Variants in ELF1 observed in about 807,000 individuals in gnomAD.
The protein encoded by ELF1 is E74 like ETS transcription factor 1.
Under a neutral mutation model 59.9 loss-of-function variants are expected in ELF1, and 24 were observed. The ratio of observed to expected loss-of-function variants is 0.40; its 90% CI spans 0.29 to 0.56. The LOEUF is 0.56. ELF1 is among the 20% of genes least tolerant of loss of function. The probability of loss-of-function intolerance (pLI) is 0.44; values close to 1 mark genes in which losing one functional copy is unlikely to be tolerated. For missense variants in ELF1, 627 were observed against 742.2 expected (o/e 0.84, Z 1.80); for synonymous variants, 248 against 266.2 (o/e 0.93, Z 0.67).
At chr13:40,987,320 G>A (rs538033395) in intron 1 of ELF1, among the ~76,000 whole-genome samples, 7 of 149,256 alleles carry the variant, frequency 4.7e-5, no homozygotes, top group South Asian at 2.1e-4. Context: ...CGTGGCTCAC[G>A]CCTGTATCCC....
chr13:41,043,651 C>T (rs1056472305), intron 1 of ELF1, among the ~76,000 whole-genome samples: 1 of 152,096 alleles, frequency 6.6e-6, no homozygotes, highest in African/African-American at 2.4e-5. Flanking sequence ...CTGTTCTGTT[C>T]CATTGGTCTA....
chr13:41,033,249 T>C (rs1464008572), intron 1 of ELF1, among the ~76,000 whole-genome samples: 2 of 152,194 alleles, frequency 1.3e-5, no homozygotes, highest in Admixed American at 6.5e-5. Flanking sequence ...CTAACTCTAC[T>C]ATTGACTAGT....
upstream of ELF1, among the ~76,000 whole-genome samples, chr13:41,020,013 C>T (rs1023339672): frequency 3.3e-5 from 5 of 152,204 alleles, no homozygotes; most frequent in African/African-American, 2.4e-5. Flanking sequence ...AGTATTGGTA[C>T]GATCATAGTT....
chr13:41,011,507 G>C (rs141070264), intron 1 of ELF1, among the ~76,000 whole-genome samples: 3 of 151,974 alleles, frequency 2.0e-5, no homozygotes, highest in Non-Finnish European at 2.9e-5. Context: ...ATAGTGGCAC[G>C]AACATGCCTC....
At chr13:41,048,421 C>T (rs981863401) in intron 1 of ELF1, among the ~76,000 whole-genome samples, 5 of 152,144 alleles carry the variant, frequency 3.3e-5, no homozygotes, top group Non-Finnish European at 7.3e-5. Context: ...TTGGAACTGC[C>T]TACAGTCTTT....
At chr13:41,056,488 A>G (rs1211661711) in intron 1 of ELF1, among the ~76,000 whole-genome samples, 1 of 152,210 alleles carries the variant, frequency 6.6e-6, no homozygotes, top group East Asian at 1.9e-4. Context: ...TACTGGGTAC[A>G]CACCTAGGAG....
intron 3 of ELF1, 184 bp from the exon 4 acceptor site, chr13:40,951,620 C>G: frequency 2.5e-6 from 1 of 398,930 alleles, no homozygotes; most frequent in Non-Finnish European, 4.3e-6. Context: ...TCCTGTAATC[C>G]CGCACTTTGG....
intron 1 of ELF1, among the ~76,000 whole-genome samples, chr13:41,057,290 A>G (rs554996905): frequency 2.0e-5 from 3 of 151,484 alleles, no homozygotes; most frequent in East Asian, 3.9e-4. Flanking sequence ...GCAAGTAGCT[A>G]GGACTACAGG....
intron 2 of ELF1, among the ~76,000 whole-genome samples, chr13:40,971,153 T>A (rs1240229701): frequency 1.3e-5 from 2 of 152,148 alleles, no homozygotes; most frequent in African/African-American, 2.4e-5. Flanking sequence ...ATAATGAAAG[T>A]CTCATTTCAA....
chr13:41,039,354 A>C (rs1489610035), intron 1 of ELF1, among the ~76,000 whole-genome samples: 1 of 151,766 alleles, frequency 6.6e-6, no homozygotes, highest in Non-Finnish European at 1.5e-5. Context: ...AAAAAAAAAA[A>C]AAACCTATTC....
chr13:40,945,524 T>C lies in ELF1; in HGVS notation c.530-1599A>G, dbSNP rs74046641. Among the ~76,000 whole-genome samples, 1,054 of 152,040 alleles carry C rather than the reference T, an allele frequency of 6.9e-3. 11 individuals carry two copies. The highest frequency in any genetic ancestry group is 0.024 in the African/African-American group (1,006 of 41,462). On this transcript the variant is annotated intron_variant, in intron 5 of 8. Transcript: ENST00000239882. ...TGAGTGGGGAGAACTTGAAGAGAGG[T>C]CTTTGGTGTTCTGCATTTTTACCAA...
At chr13:41,032,103 G>C (rs986924049) in intron 1 of ELF1, among the ~76,000 whole-genome samples, 2 of 151,776 alleles carry the variant, frequency 1.3e-5, no homozygotes, top group African/African-American at 4.8e-5. Flanking sequence ...GTTCTTAAAA[G>C]ACAACTACCT....
intron 1 of ELF1, among the ~76,000 whole-genome samples, chr13:41,036,062 G>A (rs994780020): frequency 7.9e-5 from 12 of 151,578 alleles, no homozygotes; most frequent in African/African-American, 2.4e-4. Context: ...CCGCCACCAC[G>A]CCCGGCTAAT....
At chr13:41,039,073 AG>A (rs1876502477) in intron 1 of ELF1, among the ~76,000 whole-genome samples, 1 of 151,786 alleles carries the variant, frequency 6.6e-6, no homozygotes. Context: ...GTAAAGGAAA[AG>A]GATGACATTT....
chr13:40,969,022 C>G (rs1007960002), intron 2 of ELF1, among the ~76,000 whole-genome samples: 1 of 152,084 alleles, frequency 6.6e-6, no homozygotes, highest in Non-Finnish European at 1.5e-5. Context: ...GCCCAGGGAC[C>G]TATTCCTTAT....
intron 4 of ELF1, among the ~76,000 whole-genome samples, chr13:40,950,822 G>A (rs1280525399): frequency 6.6e-6 from 1 of 152,212 alleles, no homozygotes; most frequent in Non-Finnish European, 1.5e-5. Context: ...TGTGAATATA[G>A]CAAATATTGA....
chr13:40,945,992 T>TA lies in ELF1; in HGVS notation c.530-2068dup, dbSNP rs200160070. Among the ~76,000 whole-genome samples the TA allele has an allele frequency of 5.5e-3, 841 of 152,256 alleles. 10 individuals carry two copies. The highest frequency in any genetic ancestry group is 0.019 in the African/African-American group (801 of 41,538). On this transcript the variant is annotated intron_variant, in intron 5 of 8. Coordinates refer to ENST00000239882, the MANE Select transcript of ELF1 (RefSeq NM_172373.4). ...CCAAGTAGCTGGGATTACAGGCACG[T>TA]ACCACCATGCCTGGCTAATTTTTTT... is the stretch of plus-strand genomic sequence containing the variant.
chr13:40,985,515 T>C (rs1873504908), intron 1 of ELF1, among the ~76,000 whole-genome samples: 1 of 152,206 alleles, frequency 6.6e-6, no homozygotes, highest in African/African-American at 2.4e-5. Context: ...ACCAAAGTCC[T>C]TTCTGCTATA....
Position 40,997,327 on chromosome 13 carries a change from G to A in ELF1, c.-228-15045C>T, listed in dbSNP as rs539055205. Among the ~76,000 whole-genome samples, 21 of 151,316 alleles carry A rather than the reference G, an allele frequency of 1.4e-4. No homozygotes were observed. In the South Asian group the frequency reaches 2.7e-3, roughly 20 times the overall value. ...GGCTGGAGTGCAGTGGTGCAATCTC[G>A]GCTCACTGCAACCTCCACCTCCTAG... On this transcript the variant is annotated intron_variant, in intron 1 of 8. Transcript: ENST00000239882.
Sources: allele counts gnomAD v4.1 joint callset (sites outside exome capture counted in the v4.1 genomes callset), GRCh38; gene constraint gnomAD v4.1.1; transcripts MANE v1.5; gene names NCBI Gene and HGNC (gene_info 2026-07-23, HGNC 2026-07-21).